The following ZNF527 variants were observed in gnomAD, a reference collection of about 807,000 sequenced individuals.
ZNF527 encodes zinc finger protein 527.
ZNF527 carries 5 observed loss-of-function variants against 13.5 expected under a neutral mutation model. The observed-to-expected ratio is 0.37, with a 90% CI of 0.19 to 0.78. ZNF527 has a LOEUF of 0.78. Among genes scored for constraint, ZNF527 ranks in the 30% least tolerant of loss-of-function variants. ZNF527 has a pLI of 0.48. For synonymous variants in ZNF527, 209 were observed against 243.1 expected (o/e 0.86, Z 1.30); for missense variants, 628 against 726.4 (o/e 0.86, Z 1.56).
chr19:37,378,639 TTCTA>T (rs1427098447), intron 2 of ZNF527, among the ~76,000 whole-genome samples: 1 of 152,136 alleles, frequency 6.6e-6, no homozygotes, highest in Non-Finnish European at 1.5e-5. Context: ...CCAATGAAAA[TTCTA>T]TCTAAGTTGC....
intron 4 of ZNF527, among the ~76,000 whole-genome samples, chr19:37,382,825 G>A (rs2040665159): frequency 6.6e-6 from 1 of 152,126 alleles, no homozygotes; most frequent in Non-Finnish European, 1.5e-5. Flanking sequence ...TCCTGCCTCA[G>A]CCTCCCGGGT....
rs939918838 is a variant in ZNF527 at position 37,392,996 on chromosome 19, G to A, written c.*3117G>A. On this transcript the variant is annotated 3_prime_UTR_variant, in exon 5 of 5. Transcript: ENST00000436120. ...TTGATTGTTATTAGGACCATCTAGA[G>A]ATTTCTGTTTATGTGTGTGTATGTG... 2 of 152,068 alleles carry A rather than the reference G, an allele frequency of 1.3e-5. No individual in the cohort carries two copies. Among genetic ancestry groups the A allele is most frequent in the Non-Finnish European group, 2.9e-5 (2 of 68,018 alleles). 9.4% of individuals were successfully genotyped at this position (152,068 alleles called of 1,614,324 possible).
chr19:37,383,860 T>G (rs1261062328), intron 4 of ZNF527, among the ~76,000 whole-genome samples: 1 of 152,092 alleles, frequency 6.6e-6, no homozygotes, highest in Non-Finnish European at 1.5e-5. Context: ...TTAAAATAAC[T>G]TTAAGTGTAG....
chr19:37,389,131 A>G lies in ZNF527; in HGVS notation c.1082A>G (p.Asn361Ser), dbSNP rs1399339364. Residue 361 changes from asparagine to serine, a missense_variant, in exon 5 of 5, where the codon AAT becomes AGT. This residue lies in a region of ZNF527 where 592 missense variants were observed against 678.0 expected (regional missense o/e 0.87). Transcript: ENST00000436120. The part of the protein sequence containing the change: ...IHTGEKPFAC[N>S]ECGKAFSRYA... Reference sequence around the variant, plus strand: ...ACTGGAGAGAAACCGTTTGCGTGCAATGAATGTGGGAAGGCCTTTAGCCGT... The same window carrying G: ...ACTGGAGAGAAACCGTTTGCGTGCAGTGAATGTGGGAAGGCCTTTAGCCGT... 6.2e-6 allele frequency: 10 copies of G among 1,613,988 alleles called. No individual in the cohort carries two copies. The highest frequency in any genetic ancestry group is 8.5e-6 in the Non-Finnish European group (10 of 1,180,008).
chr19:37,384,902 G>A lies in ZNF527; in HGVS notation c.257-3404G>A, dbSNP rs912769364. ...CTGTTGCCCAGGCTGGAGTGCAGTG[G>A]CATGATCTTGGCTCACTGCAGCCTA... On this transcript the variant is annotated intron_variant, in intron 4 of 4. Coordinates refer to ENST00000436120, the MANE Select transcript of ZNF527 (RefSeq NM_032453.2). The A allele has an allele frequency of 2.1e-5, 15 of 701,536 alleles. No homozygotes were observed. The African/African-American group carries it at 2.3e-4, about 11-fold the overall frequency. The allele number at this position is 701,536 out of a possible 1,614,324, so 43.5% of individuals were successfully genotyped here. A position where few individuals can be genotyped will look rare whatever the true frequency, so the allele number is the denominator to read the frequency against.
intron 4 of ZNF527, among the ~76,000 whole-genome samples, chr19:37,383,595 G>C (rs2040673197): frequency 6.7e-6 from 1 of 148,892 alleles, no homozygotes; most frequent in Non-Finnish European, 1.5e-5. Flanking sequence ...CTGGAGTGCA[G>C]TGGCGCAATC....
In ZNF527 at chr19:37,389,753, C is replaced by T; in HGVS notation, c.1704C>T (p.Ser568=). The T allele has an allele frequency of 6.2e-7, 1 of 1,613,764 alleles. No homozygotes were observed. The highest frequency in any genetic ancestry group is 8.5e-7 in the Non-Finnish European group (1 of 1,180,022). The part of the protein sequence containing the change: ...ECGKAFHQIL[S]LRLHQRIHAG... ...GGAAGGCTTTTCATCAGATCTTGTC[C>T]CTAAGACTACACCAGAGAATTCACG... The change falls in exon 5 of 5, where the codon TCC becomes TCT. Residue 568 remains serine (S), a synonymous_variant. Transcript: ENST00000436120.
rs2040747680 is a variant in ZNF527 at position 37,391,005 on chromosome 19, A to G, written c.*1126A>G. 6.6e-6 allele frequency: 1 copy of G among 152,186 alleles called. No homozygotes were observed. The highest frequency in any genetic ancestry group is 6.5e-5 in the Admixed American group (1 of 15,278). The allele number at this position is 152,186 out of a possible 1,614,324, so 9.4% of individuals were successfully genotyped here. On this transcript the variant is annotated 3_prime_UTR_variant, in exon 5 of 5. Transcript: ENST00000436120. ...TTTAGTGTTTCTTAGTTTTTTTCAC[A>G]TTATGGCTGAATATTTTAAAATTCA... is the stretch of plus-strand genomic sequence containing the variant.
chr19:37,374,946 G>T (rs1190782099), intron 2 of ZNF527, among the ~76,000 whole-genome samples: 1 of 152,212 alleles, frequency 6.6e-6, no homozygotes, highest in Admixed American at 6.5e-5. Context: ...GATCATGGTG[G>T]TGGCATTGGA....
Position 37,389,214 on chromosome 19 carries a change from A to G in ZNF527, c.1165A>G (p.Lys389Glu), listed in dbSNP as rs1036132555. 3 of 1,614,062 alleles carry G rather than the reference A, an allele frequency of 1.9e-6. No individual in the cohort carries two copies. Among genetic ancestry groups the G allele is most frequent in the Non-Finnish European group, 2.5e-6 (3 of 1,180,038 alleles). ...IHTGEKPYECKECNKAFRQSA... is the reference protein window; with the variant it reads ...IHTGEKPYECEECNKAFRQSA... ...CACAGGTGAGAAACCATATGAATGT[A>G]AAGAATGTAATAAAGCCTTCAGACA... The change falls in exon 5 of 5, where the codon AAA becomes GAA. Residue 389 changes from lysine (K) to glutamate (E), a missense_variant. Physicochemically the swap from Lys to Glu is moderately conservative, Grantham distance 56 (BLOSUM62 1). Transcript: ENST00000436120.
At chr19:37,378,376 T>C (rs1386280765) in intron 2 of ZNF527, among the ~76,000 whole-genome samples, 1 of 152,194 alleles carries the variant, frequency 6.6e-6, no homozygotes, top group East Asian at 1.9e-4. Flanking sequence ...CTGTACATAC[T>C]GGAACCCTAT....
chr19:37,382,122 T>C (rs188403656), intron 4 of ZNF527, among the ~76,000 whole-genome samples: 68 of 152,242 alleles, frequency 4.5e-4, no homozygotes, highest in African/African-American at 1.3e-3. Flanking sequence ...GGTTCTCTTA[T>C]TTTCCTTGCC....
intron 1 of ZNF527, among the ~76,000 whole-genome samples, chr19:37,372,364 C>T (rs778994308): frequency 2.0e-4 from 31 of 151,378 alleles, no homozygotes; most frequent in South Asian, 6.2e-4. Flanking sequence ...ACTGAGTTGC[C>T]TAGTGCAAAG....
intron 4 of ZNF527, among the ~76,000 whole-genome samples, chr19:37,384,613 T>C (rs1253119739): frequency 6.6e-6 from 1 of 152,248 alleles, no homozygotes; most frequent in African/African-American, 2.4e-5. Flanking sequence ...TATCAGTTTA[T>C]GCTCGTACTA....
chr19:37,374,881 A>G (rs116647014), intron 2 of ZNF527, among the ~76,000 whole-genome samples: 2,049 of 152,320 alleles, frequency 0.013, 43 homozygotes, highest in East Asian at 0.053. Flanking sequence ...GTGGAAGCAG[A>G]GAGGCCAGTC....
chr19:37,373,429 A>T (rs534727914), intron 1 of ZNF527, among the ~76,000 whole-genome samples: 10 of 152,344 alleles, frequency 6.6e-5, no homozygotes, highest in Non-Finnish European at 1.2e-4. Context: ...GCACAGTAAA[A>T]TTTATTTATT....
At chr19:37,374,393 G>C (rs2040583203) in intron 2 of ZNF527, among the ~76,000 whole-genome samples, 162 bp downstream of exon 2, 1 of 152,034 alleles carries the variant, frequency 6.6e-6, no homozygotes, top group Non-Finnish European at 1.5e-5. Flanking sequence ...ATCTTTTTTA[G>C]TCAGTGTTAT....
chr19:37,374,294 A>G (rs2040582159), intron 2 of ZNF527, 63 bp downstream of exon 2: 2 of 1,555,722 alleles, frequency 1.3e-6, no homozygotes, highest in Non-Finnish European at 1.8e-6. Flanking sequence ...CTTTGGGACC[A>G]CAGGGAAAAT....
At chr19:37,375,711 T>A (rs1350207306) in intron 2 of ZNF527, among the ~76,000 whole-genome samples, 6 of 152,038 alleles carry the variant, frequency 3.9e-5, no homozygotes, top group Non-Finnish European at 8.8e-5. Context: ...TGAGGGCAGT[T>A]TTGTGGTGAA....
Sources: allele counts gnomAD v4.1 joint callset (sites outside exome capture counted in the v4.1 genomes callset), GRCh38; gene constraint gnomAD v4.1.1; regional missense constraint gnomAD v4.1.1; transcripts MANE v1.5; gene names NCBI Gene and HGNC (gene_info 2026-07-23, HGNC 2026-07-21).